GFRA1: variants seen among roughly 807,000 people sequenced by gnomAD.
The protein encoded by GFRA1 is GDNF family receptor alpha-1.
GFRA1 carries 16 observed loss-of-function variants against 51.6 expected under a neutral mutation model. That is an observed-to-expected ratio of 0.31 (90% CI 0.21 to 0.47). GFRA1 has a LOEUF of 0.47. Ranked by LOEUF, GFRA1 falls within the 20% of genes least tolerant of loss-of-function variation. The pLI is 1.00. For missense variants in GFRA1, 530 were observed against 594.3 expected, an observed-to-expected ratio of 0.89 and a Z score of 1.13; for synonymous variants, 270 against 241.3, an observed-to-expected ratio of 1.12 and a Z score of -1.10.
At chr10:116,229,841 G>A (rs1966570522) in intron 4 of GFRA1, among the ~76,000 whole-genome samples, 1 of 152,166 alleles carries the variant, frequency 6.6e-6, no homozygotes, top group South Asian at 2.1e-4. Context: ...ACTGACAGAT[G>A]AGAAAATAGT....
chr10:116,192,714 A>G (rs1199838076), intron 5 of GFRA1, among the ~76,000 whole-genome samples: 13 of 152,142 alleles, frequency 8.5e-5, no homozygotes. Flanking sequence ...TCAGAAAAGC[A>G]AAGACAATTC....
intron 4 of GFRA1, among the ~76,000 whole-genome samples, chr10:116,256,988 GCCCAGGACAAA>G (rs1968914703): frequency 1.5e-5 from 1 of 64,588 alleles, no homozygotes; most frequent in Admixed American, 1.5e-4. Flanking sequence ...TCCACCCTGA[GCCCAGGACAAA>G]AGGCAGTGCT....
At chr10:116,169,998 C>A (rs981051622) in intron 5 of GFRA1, among the ~76,000 whole-genome samples, 2 of 152,136 alleles carry the variant, frequency 1.3e-5, no homozygotes, top group Non-Finnish European at 2.9e-5. Context: ...AGGCACTCGC[C>A]CCAGCTCCTG....
At chr10:116,184,004 C>T (rs1379137437) in intron 5 of GFRA1, among the ~76,000 whole-genome samples, 1 of 152,236 alleles carries the variant, frequency 6.6e-6, no homozygotes, top group Non-Finnish European at 1.5e-5. Flanking sequence ...TGCTTGGGAG[C>T]ACTCCAGGGC....
chr10:116,223,721 A>G (rs1966087315), intron 4 of GFRA1, among the ~76,000 whole-genome samples: 1 of 152,256 alleles, frequency 6.6e-6, no homozygotes, highest in Non-Finnish European at 1.5e-5. Flanking sequence ...ACCACAGTTC[A>G]TACCCCACTG....
At chr10:116,108,027 A>G (rs1489206846) in intron 6 of GFRA1, among the ~76,000 whole-genome samples, 2 of 152,062 alleles carry the variant, frequency 1.3e-5, no homozygotes. Context: ...CACTCATTAA[A>G]GGAGCCTAGT....
At chr10:116,087,210 T>C (rs1054801752) in intron 9 of GFRA1, among the ~76,000 whole-genome samples, 24 of 152,124 alleles carry the variant, frequency 1.6e-4, no homozygotes, top group African/African-American at 5.5e-4. Context: ...GACAGATCTG[T>C]GTTGGGGGCA....
intron 4 of GFRA1, among the ~76,000 whole-genome samples, chr10:116,258,569 G>A (rs141985166): frequency 7.3e-5 from 11 of 151,272 alleles, no homozygotes; most frequent in African/African-American, 2.2e-4. Context: ...TATGCAGTTC[G>A]TGCACTTCAC....
At chr10:116,199,873 G>A (rs576490597) in intron 5 of GFRA1, among the ~76,000 whole-genome samples, 48 of 152,180 alleles carry the variant, frequency 3.2e-4, no homozygotes, top group Non-Finnish European at 6.0e-4. Context: ...TGCCTTTCAA[G>A]TCAATCGCTA....
intron 5 of GFRA1, among the ~76,000 whole-genome samples, chr10:116,181,095 T>G (rs1962171793): frequency 6.6e-6 from 1 of 152,224 alleles, no homozygotes; most frequent in African/African-American, 2.4e-5. Flanking sequence ...ATAAGCCTAC[T>G]GGACTCCATT....
intron 4 of GFRA1, among the ~76,000 whole-genome samples, chr10:116,216,016 C>T (rs558957796): frequency 1.3e-5 from 2 of 152,214 alleles, no homozygotes; most frequent in Admixed American, 6.5e-5. Flanking sequence ...GCCCTGCTGT[C>T]CAATTTCTTC....
chr10:116,212,523 A>AACACACACACACACACACAC (rs71010072), intron 4 of GFRA1, among the ~76,000 whole-genome samples: 1 of 142,608 alleles, frequency 7.0e-6, no homozygotes, highest in Non-Finnish European at 1.5e-5. Context: ...TCCGTCTCAA[A>AACACACACACACACACACAC]ACACACACAC....
intron 5 of GFRA1, among the ~76,000 whole-genome samples, chr10:116,143,582 C>T (rs1010879535): frequency 1.3e-5 from 2 of 152,000 alleles, no homozygotes; most frequent in Non-Finnish European, 2.9e-5. Context: ...GCAACTGCTA[C>T]CTGAATGTTA....
At chr10:116,185,022 T>C (rs1281279976) in intron 5 of GFRA1, among the ~76,000 whole-genome samples, 1 of 152,206 alleles carries the variant, frequency 6.6e-6, no homozygotes, top group Non-Finnish European at 1.5e-5. Context: ...TATATTTTTT[T>C]CCTTGAGGCT....
chr10:116,232,502 CAA>C (rs59449613), intron 4 of GFRA1, among the ~76,000 whole-genome samples: 2,558 of 148,530 alleles, frequency 0.017, 66 homozygotes, highest in African/African-American at 0.054. Context: ...TTTCCTCATA[CAA>C]AAAAAAAAAA....
At chr10:116,225,333 G>A (rs892443820) in intron 4 of GFRA1, among the ~76,000 whole-genome samples, 5 of 151,792 alleles carry the variant, frequency 3.3e-5, no homozygotes, top group South Asian at 4.2e-4. Context: ...TCATCAGATC[G>A]AGACCATCCT....
chr10:116,193,829 G>A (rs550477666), intron 5 of GFRA1, among the ~76,000 whole-genome samples: 14 of 151,954 alleles, frequency 9.2e-5, no homozygotes, highest in African/African-American at 2.9e-4. Flanking sequence ...AGGCCTAGGC[G>A]GGTGGATCAT....
intron 5 of GFRA1, among the ~76,000 whole-genome samples, chr10:116,201,877 T>C (rs921166707): frequency 6.6e-6 from 1 of 151,978 alleles, no homozygotes; most frequent in Non-Finnish European, 1.5e-5. Context: ...CAGAGAAAGA[T>C]TTTTGGATCC....
At chr10:116,211,568 C>T (rs1965196165) in intron 5 of GFRA1, 63 bp downstream of exon 5, 2 of 1,422,506 alleles carry the variant, frequency 1.4e-6, no homozygotes, top group Admixed American at 3.9e-5. Flanking sequence ...TGTACACAGA[C>T]CATACCCATG....
Sources: gnomAD v4.1 joint callset for allele counts (sites outside exome capture counted in the v4.1 genomes callset) on GRCh38, gnomAD v4.1.1 for gene constraint, MANE v1.5 for transcripts, NCBI Gene and HGNC (gene_info 2026-07-23, HGNC 2026-07-21) for gene names.